The following MUC4 variants were observed in gnomAD, a reference collection of about 807,000 sequenced individuals.
MUC4 encodes the protein mucin 4, cell surface associated, also known as mucin-4.
A neutral mutation model predicts 257.9 loss-of-function variants in MUC4; 202 were observed. The ratio of observed to expected loss-of-function variants is 0.78; its 90% CI spans 0.70 to 0.88. MUC4 has a LOEUF of 0.88. Among genes scored for constraint, MUC4 ranks in the 40% least tolerant of loss-of-function variants. The pLI, the probability that MUC4 is intolerant of heterozygous loss-of-function variation, is 0.00. For missense variants in MUC4, 5,976 were observed against 6,513.7 expected (o/e 0.92, Z 2.84); for synonymous variants, 2,351 against 2,757.1 (o/e 0.85, Z 4.62).
At chr3:195,758,281 G>A (rs112093193) in intron 17 of MUC4, among the ~76,000 whole-genome samples, 1,553 of 152,108 alleles carry the variant, frequency 0.01, 39 homozygotes, top group African/African-American at 0.035. Context: ...ACACCTTTAC[G>A]GAGAGGGAGC....
chr3:195,748,914 C>G lies in MUC4; in HGVS notation c.16022G>C (p.Gly5341Ala), dbSNP rs747926347. 1.9e-6 allele frequency: 3 copies of G among 1,584,978 alleles called. No individual in the cohort carries two copies. Among genetic ancestry groups the G allele is most frequent in the East Asian group, 4.6e-5 (2 of 43,808 alleles). ...HGGQCQHLPS[G>A]PRCSCVSFSI... is the part of the protein sequence containing the mutation. Reference sequence around the variant, plus strand: ...CAGCCCTATGCACCTGCAGCGGGGCCCACTGGGCAGGTGCTGGCACTGGCC... The same window carrying G: ...CAGCCCTATGCACCTGCAGCGGGGCGCACTGGGCAGGTGCTGGCACTGGCC... Residue 5341 changes from glycine (G) to alanine (A), a missense_variant, in exon 24 of 25, where the codon GGG becomes GCG. Around this residue, in one of 44 missense-constraint regions of MUC4, gnomAD observed 310 missense variants for 242.1 expected, o/e 1.28. Transcript: ENST00000463781.
Position 195,778,839 on chromosome 3 carries a change from G to C in MUC4, c.12741C>G (p.Thr4247=), listed in dbSNP as rs1243199382. 6.2e-7 allele frequency: 1 copy of C among 1,612,282 alleles called. No homozygotes were observed. Among genetic ancestry groups the C allele is most frequent in the Non-Finnish European group, 8.5e-7 (1 of 1,179,522 alleles). Residue 4247 remains threonine (T), a synonymous_variant, in exon 2 of 25, where the codon ACC becomes ACG. Transcript: ENST00000463781. ...AGTCCGAGGATACTGTGGAAGCTGA[G>C]GTAGCACTGCTGACAGCAAGAGGGG... is the stretch of plus-strand genomic sequence containing the variant. ...HATPLAVSSA[T]SASTVSSDSP...
In MUC4 at chr3:195,786,654, G is replaced by C; in HGVS notation, c.4926C>G (p.Ser1642=). The stretch of plus-strand genomic sequence containing the variant: ...CATGAAGAGGGGTGGCGTGACCTGT[G>C]GATAATGAGGAAGCATTGGTGACAG... ...PLPVTNASSL[S]TGHATPLHVT... The change falls in exon 2 of 25, where the codon TCC becomes TCG. Residue 1642 remains serine, a synonymous_variant. Coordinates refer to ENST00000463781, the MANE Select transcript of MUC4 (RefSeq NM_018406.7). 2 of 1,530,916 alleles carry C rather than the reference G, an allele frequency of 1.3e-6. No homozygotes were observed. The highest frequency in any genetic ancestry group is 1.8e-6 in the Non-Finnish European group (2 of 1,136,244). 94.8% of individuals were successfully genotyped at this position (1,530,916 alleles called of 1,614,324 possible).
At position 195,791,428 on chromosome 3, in the gene MUC4, G is replaced by C; in HGVS notation, c.152C>G (p.Thr51Arg). The C allele has an allele frequency of 6.2e-7, 1 of 1,613,974 alleles. No homozygotes were observed. Among genetic ancestry groups the C allele is most frequent in the Non-Finnish European group, 8.5e-7 (1 of 1,179,884 alleles). The change falls in exon 2 of 25, where the codon ACA becomes AGA. Residue 51 changes from threonine to arginine, a missense_variant. Transcript: ENST00000463781. ...AGTTGATTGTCCCTCTAGTGTCGCT[G>C]TTGTTGAGCCTGTTGAGGTGACTGG... is the stretch of plus-strand genomic sequence containing the variant. Reference protein sequence around the residue: ...AAPVTSTGSTTATLEGQSTAA... With the variant: ...AAPVTSTGSTRATLEGQSTAA...
At chr3:195,771,917 G>A (rs911113881) in intron 4 of MUC4, 101 bp from the exon 5 acceptor site, 1 of 1,317,536 alleles carries the variant, frequency 7.6e-7, no homozygotes, top group Non-Finnish European at 1.1e-6. Context: ...CAAGGGTAGA[G>A]CTTTAGAGAT....
At position 195,786,594 on chromosome 3, in the gene MUC4, G is replaced by A. The variant is rs763649308; in HGVS notation, c.4986C>T (p.Ala1662=). The stretch of plus-strand genomic sequence containing the variant: ...AAGTGCTGGTGACAGGAAGAGGGGT[G>A]GCGTGACCTGTGGATGCTGAGGAAG... ...TSPSSASTGH[A]TPLPVTSTSS... Residue 1662 remains alanine, a synonymous_variant, in exon 2 of 25, where the codon GCC becomes GCT. Transcript: ENST00000463781. 3.9e-6 allele frequency: 6 copies of A among 1,529,632 alleles called. No homozygotes were observed. The South Asian group carries it at 6.1e-5, about 15-fold the overall frequency. The allele number at this position is 1,529,632 out of a possible 1,614,324, so 94.8% of individuals were successfully genotyped here.
chr3:195,760,904 T>C lies in MUC4; in HGVS notation c.14828A>G (p.Glu4943Gly). The C allele has an allele frequency of 6.2e-7, 1 of 1,614,154 alleles. No individual in the cohort carries two copies. The highest frequency in any genetic ancestry group is 1.3e-5 in the African/African-American group (1 of 75,052). ...CTTACTGAGGGTGGCGTTCGCCTGC[T>C]CGTAGTTTTTACTGACTTCCCTCGT... ...LHTREVSKNY[E>G]QANATLNQYP... The change falls in exon 16 of 25, where the codon GAG becomes GGG. Residue 4943 changes from glutamate to glycine, a missense_variant. Around this residue, in one of 44 missense-constraint regions of MUC4, gnomAD observed 996 missense variants for 1,137.3 expected, o/e 0.88. Coordinates refer to ENST00000463781, the MANE Select transcript of MUC4 (RefSeq NM_018406.7).
chr3:195,767,754 CCACCATCA>C (rs2148839610), intron 7 of MUC4, among the ~76,000 whole-genome samples: 1 of 67,548 alleles, frequency 1.5e-5, no homozygotes, highest in East Asian at 6.7e-4. Flanking sequence ...ATCGCCACCA[CCACCATCA>C]CCACCACCAC....
chr3:195,768,861 C>A (rs1316740125), intron 7 of MUC4, among the ~76,000 whole-genome samples, 161 bp downstream of exon 7: 2 of 152,190 alleles, frequency 1.3e-5, no homozygotes, highest in Admixed American at 1.3e-4. Context: ...TGGGAAGCAG[C>A]CAGATGCCTG....
At position 195,780,348 on chromosome 3, in the gene MUC4, A is replaced by C. The variant is rs1201315600; in HGVS notation, c.11232T>G (p.Pro3744=). Residue 3744 remains proline (P), a synonymous_variant, in exon 2 of 25, where the codon CCT becomes CCG. Transcript: ENST00000463781. ...PSSASTGHVT[P]LPVTSTSSAS... ...CTGAGGAAGTGCTGGTGACAGGAAG[A>C]GGGGTGACGTGACCTGTGGATGCTG... The C allele has an allele frequency of 2.1e-5, 29 of 1,413,862 alleles. No homozygotes were observed. Among genetic ancestry groups the C allele is most frequent in the Non-Finnish European group, 2.8e-5 (29 of 1,044,802 alleles). 87.6% of individuals were successfully genotyped at this position (1,413,862 alleles called of 1,614,324 possible). A position where few individuals can be genotyped will look rare whatever the true frequency, so the allele number is the denominator to read the frequency against.
At chr3:195,748,811 A>T in intron 24 of MUC4, 91 bp downstream of exon 24, 1 of 1,421,168 alleles carries the variant, frequency 7.0e-7, no homozygotes, top group Non-Finnish European at 9.3e-7. Flanking sequence ...TGATCTCTCG[A>T]GCCATCCTAA....
rs755979753 is a variant in MUC4, at chr3:195,754,391, T to A, written c.15169-19A>T. ...CAGCCACCTGGAGGAGGGTTGCCGA[T>A]CACGGGCGGCCAGGAGACCAAACTG... On this transcript the variant is annotated intron_variant, in intron 18 of 24. Transcript: ENST00000463781. 1 of 1,594,124 alleles carries A rather than the reference T, an allele frequency of 6.3e-7. No homozygotes were observed. The highest frequency in any genetic ancestry group is 1.7e-5 in the Admixed American group (1 of 58,792).
intron 1 of MUC4, among the ~76,000 whole-genome samples, chr3:195,809,155 CTCTG>C (rs1304849167): frequency 6.6e-6 from 1 of 152,206 alleles, no homozygotes; most frequent in African/African-American, 2.4e-5. Flanking sequence ...TCTAGCCCAC[CTCTG>C]TCTGCTGTGC....
At position 195,780,257 on chromosome 3, in the gene MUC4, T is replaced by G. The variant is rs1376353231; in HGVS notation, c.11323A>C (p.Thr3775Pro). The G allele has an allele frequency of 1.3e-6, 2 of 1,518,802 alleles. No homozygotes were observed. Among genetic ancestry groups the G allele is most frequent in the Admixed American group, 2.0e-5 (1 of 49,662 alleles). The allele number at this position is 1,518,802 out of a possible 1,614,324, so 94.1% of individuals were successfully genotyped here. A position where few individuals can be genotyped will look rare whatever the true frequency, so the allele number is the denominator to read the frequency against. ...GAAGCGTCGGTGACAGGAAGAGGCGTGGCGTGACCTGTGGACACTGAGGAA... is the reference window on the plus strand; with the variant it reads ...GAAGCGTCGGTGACAGGAAGAGGCGGGGCGTGACCTGTGGACACTGAGGAA... Reference protein sequence around the residue: ...DASSVSTGHATPLPVTDASSA... With the variant: ...DASSVSTGHAPPLPVTDASSA... Residue 3775 changes from threonine to proline, a missense_variant, in exon 2 of 25, where the codon ACG becomes CCG. By Grantham distance (38) the Thr-to-Pro change is conservative. This residue lies in a region of MUC4 where 330 missense variants were observed against 262.0 expected (regional missense o/e 1.26). Coordinates refer to ENST00000463781, the MANE Select transcript of MUC4 (RefSeq NM_018406.7).
chr3:195,780,991 G>T lies in MUC4; in HGVS notation c.10589C>A (p.Ser3530Tyr), dbSNP rs563595870. The part of the protein sequence containing the change: ...PLPVTDTSSV[S>Y]TGHATPLPVT... ...AGGAAGAGGCGTGGCGTGACCGGTGGATACTGAGGAAGTGTCGGTGACAGG... is the reference window on the plus strand; with the variant it reads ...AGGAAGAGGCGTGGCGTGACCGGTGTATACTGAGGAAGTGTCGGTGACAGG... Residue 3530 changes from serine to tyrosine, a missense_variant, in exon 2 of 25, where the codon TCC (serine) becomes TAC (tyrosine). Ser to Tyr is a moderately radical substitution (Grantham distance 144). Coordinates refer to ENST00000463781, the MANE Select transcript of MUC4 (RefSeq NM_018406.7). 5.6e-5 allele frequency: 84 copies of T among 1,501,280 alleles called. 1 individual carries two copies. The African/African-American group carries it at 1.3e-3, about 23-fold the overall frequency. The allele number at this position is 1,501,280 out of a possible 1,614,324, so 93.0% of individuals were successfully genotyped here.
intron 1 of MUC4, among the ~76,000 whole-genome samples, chr3:195,796,288 G>A (rs890614005): frequency 6.6e-5 from 10 of 151,910 alleles, no homozygotes; most frequent in South Asian, 2.1e-4. Context: ...TCACCATGTC[G>A]TCCTGGCTGG....
At chr3:195,754,924 G>T (rs72499645) in intron 18 of MUC4, among the ~76,000 whole-genome samples, 19 of 147,714 alleles carry the variant, frequency 1.3e-4, no homozygotes, top group Non-Finnish European at 2.4e-4. Flanking sequence ...ATGCATGTAT[G>T]CATGTATCCA....
chr3:195,754,289 C>T lies in MUC4; in HGVS notation c.15252G>A (p.Pro5084=), dbSNP rs754614270. Residue 5084 remains proline, a synonymous_variant, in exon 19 of 25, where the codon CCG becomes CCA. Coordinates refer to ENST00000463781, the MANE Select transcript of MUC4 (RefSeq NM_018406.7). ...CCTTCCCAGGAACGCAGTGGACACT[C>T]GGGAAGCACGGCTCCTCACAGGCAT... ...SEDACEEPCF[P]SVHCVPGKGC... The T allele has an allele frequency of 9.9e-6, 16 of 1,613,908 alleles. No individual in the cohort carries two copies. Among genetic ancestry groups the T allele is most frequent in the South Asian group, 3.3e-5 (3 of 91,054 alleles).
intron 1 of MUC4, 50 bp downstream of exon 1, chr3:195,811,686 C>A (rs757852341): frequency 1.3e-6 from 2 of 1,569,298 alleles, no homozygotes; most frequent in Non-Finnish European, 1.8e-6. Context: ...GCTCCCACCT[C>A]CCCCAAGTGC....
Sources: allele counts gnomAD v4.1 joint callset (sites outside exome capture counted in the v4.1 genomes callset), GRCh38; gene constraint gnomAD v4.1.1; regional missense constraint gnomAD v4.1.1; transcripts MANE v1.5; gene names NCBI Gene and HGNC (gene_info 2026-07-23, HGNC 2026-07-21).